SMCO4: variants seen among roughly 807,000 people sequenced by gnomAD.
SMCO4 encodes single-pass membrane and coiled-coil domain-containing protein 4.
In SMCO4, 4 loss-of-function variants were observed where a neutral mutation model predicts 3.6. That is an observed-to-expected ratio of 1.11 (90% CI 0.54 to 2.53). The LOEUF (loss-of-function observed/expected upper bound fraction) is 2.53, where lower values mean the gene tolerates loss of function less well. SMCO4 is among the 30% of genes most tolerant of loss of function. The pLI, the probability that SMCO4 is intolerant of heterozygous loss-of-function variation, is 0.02. For synonymous variants in SMCO4, 36 were observed against 35.3 expected, an observed-to-expected ratio of 1.02 and a Z score of -0.07; for missense variants, 70 against 80.8, an observed-to-expected ratio of 0.87 and a Z score of 0.51.
chr11:93,530,859 G>A (rs533163917), intron 1 of SMCO4, among the ~76,000 whole-genome samples: 16 of 152,206 alleles, frequency 1.1e-4, no homozygotes, highest in African/African-American at 1.7e-4. Flanking sequence ...CCTCTGCTGC[G>A]GGACTCTTCC....
chr11:93,505,663 C>T (rs1337548440), intron 1 of SMCO4, among the ~76,000 whole-genome samples: 1 of 152,046 alleles, frequency 6.6e-6, no homozygotes, highest in African/African-American at 2.4e-5. Context: ...ACAATATATA[C>T]CTTATACAAC....
At chr11:93,546,429 A>G (rs566931740), upstream of SMCO4, among the ~76,000 whole-genome samples, 2 of 152,344 alleles carry the variant, frequency 1.3e-5, no homozygotes, top group East Asian at 3.9e-4. Flanking sequence ...GGTATCATAG[A>G]GGTTAGGTGT....
At chr11:93,526,466 TGAA>T (rs1286923350) in intron 1 of SMCO4, among the ~76,000 whole-genome samples, 1 of 152,114 alleles carries the variant, frequency 6.6e-6, no homozygotes, top group Non-Finnish European at 1.5e-5. Context: ...CAAATTCCAG[TGAA>T]ATCCTAGAGC....
At chr11:93,513,221 T>C (rs1419871085) in intron 1 of SMCO4, among the ~76,000 whole-genome samples, 1 of 152,208 alleles carries the variant, frequency 6.6e-6, no homozygotes, top group Non-Finnish European at 1.5e-5. Context: ...AGGATAAGCA[T>C]AATGGTACCT....
chr11:93,513,573 A>T (rs561311213), intron 1 of SMCO4, among the ~76,000 whole-genome samples: 2 of 152,176 alleles, frequency 1.3e-5, no homozygotes, highest in East Asian at 3.9e-4. Flanking sequence ...AGGGAGACGG[A>T]GGTATCAAAG....
intron 1 of SMCO4, among the ~76,000 whole-genome samples, chr11:93,501,786 T>C (rs1948841048): frequency 6.6e-6 from 1 of 152,030 alleles, no homozygotes; most frequent in Admixed American, 6.6e-5. Context: ...TGGGTATTGT[T>C]GAATTTGTGC....
intron 1 of SMCO4, among the ~76,000 whole-genome samples, chr11:93,518,853 G>A (rs1283206503): frequency 6.6e-6 from 1 of 152,210 alleles, no homozygotes; most frequent in Non-Finnish European, 1.5e-5. Context: ...AAACAGTCAA[G>A]AGGACAAGCA....
chr11:93,514,773 G>C (rs1418603200), intron 1 of SMCO4, among the ~76,000 whole-genome samples: 1 of 152,094 alleles, frequency 6.6e-6, no homozygotes, highest in Admixed American at 6.5e-5. Flanking sequence ...TGAAGGTATC[G>C]TTTTTAATAG....
At chr11:93,552,834 T>G in the SMCO4 span, among the ~76,000 whole-genome samples, 1 of 147,464 alleles carries the variant, frequency 6.8e-6, no homozygotes, top group Non-Finnish European at 1.5e-5. Context: ...CACATCAATT[T>G]AATTTTTTTT....
At chr11:93,536,731 T>C (rs1171988721) in intron 1 of SMCO4, among the ~76,000 whole-genome samples, 1 of 152,146 alleles carries the variant, frequency 6.6e-6, no homozygotes, top group Non-Finnish European at 1.5e-5. Context: ...CTGCACTATT[T>C]AAATGCAAGG....
intron 1 of SMCO4, among the ~76,000 whole-genome samples, chr11:93,532,067 T>C (rs758144687): frequency 6.6e-6 from 1 of 152,200 alleles, no homozygotes; most frequent in Non-Finnish European, 1.5e-5. Context: ...CTTGGGCACA[T>C]GTCATCAGGA....
chr11:93,506,999 G>C (rs1948910957), intron 1 of SMCO4, among the ~76,000 whole-genome samples: 2 of 152,298 alleles, frequency 1.3e-5, no homozygotes, highest in East Asian at 3.9e-4. Context: ...TGATTACTCA[G>C]ATTTGGGTAT....
At chr11:93,516,264 T>C (rs1949007077) in intron 1 of SMCO4, among the ~76,000 whole-genome samples, 1 of 152,112 alleles carries the variant, frequency 6.6e-6, no homozygotes, top group East Asian at 1.9e-4. Context: ...GAAGGGAGAA[T>C]GCCGGTCCCA....
At chr11:93,552,028 A>G in the SMCO4 span, among the ~76,000 whole-genome samples, 1 of 152,098 alleles carries the variant, frequency 6.6e-6, no homozygotes. Context: ...GAGGGGTGAA[A>G]AATGGCTGCT....
chr11:93,511,530 A>C (rs980717514), intron 1 of SMCO4, among the ~76,000 whole-genome samples: 8 of 152,196 alleles, frequency 5.3e-5, no homozygotes, highest in African/African-American at 1.7e-4. Context: ...GTTTCCTCTT[A>C]CATCCTCTAC....
At chr11:93,516,847 C>T (rs1371423243) in intron 1 of SMCO4, among the ~76,000 whole-genome samples, 2 of 152,058 alleles carry the variant, frequency 1.3e-5, no homozygotes, top group Non-Finnish European at 2.9e-5. Context: ...CATTTACATT[C>T]GAGTAGTATC....
chr11:93,530,219 C>T (rs866918071), intron 1 of SMCO4, among the ~76,000 whole-genome samples: 12 of 152,148 alleles, frequency 7.9e-5, no homozygotes, highest in African/African-American at 1.4e-4. Context: ...CTGAAGGGGT[C>T]GTGGGGGGAA....
intron 2 of SMCO4, among the ~76,000 whole-genome samples, chr11:93,491,200 G>T (rs1164462957): frequency 2.0e-5 from 3 of 152,234 alleles, no homozygotes; most frequent in Non-Finnish European, 4.4e-5. Flanking sequence ...CAAGGCTGGG[G>T]AAGAATTCCT....
chr11:93,507,971 T>C (rs558320824), intron 1 of SMCO4, among the ~76,000 whole-genome samples: 2 of 152,366 alleles, frequency 1.3e-5, no homozygotes, highest in South Asian at 2.1e-4. Context: ...TTTGGAAATA[T>C]TTACTTTTCA....
Sources: allele counts gnomAD v4.1 joint callset (sites outside exome capture counted in the v4.1 genomes callset), GRCh38; gene constraint gnomAD v4.1.1; transcripts MANE v1.5; gene names NCBI Gene and HGNC (gene_info 2026-07-23, HGNC 2026-07-21).